Variants in FAF2 observed in about 807,000 individuals in gnomAD.
The protein encoded by FAF2 is FAS-associated factor 2.
FAF2 carries 9 observed loss-of-function variants against 62.3 expected under a neutral mutation model. The observed-to-expected ratio is 0.14, with a 90% confidence interval of 0.09 to 0.25. The LOEUF (loss-of-function observed/expected upper bound fraction) is 0.25, where lower values mean the gene tolerates loss of function less well. FAF2 is among the 10% of genes least tolerant of loss of function. The pLI is 1.00. For synonymous variants in FAF2, 202 were observed against 198.0 expected, an observed-to-expected ratio of 1.02 and a Z score of -0.17; for missense variants, 368 against 556.2, an observed-to-expected ratio of 0.66 and a Z score of 3.40.
intron 10 of FAF2, among the ~76,000 whole-genome samples, chr5:176,504,135 T>C (rs541207387): frequency 2.6e-5 from 4 of 151,190 alleles, no homozygotes; most frequent in Non-Finnish European, 5.9e-5. Context: ...AAGCCAAGTT[T>C]GTACAAGTGT....
chr5:176,500,562 T>G (rs1755575601), intron 10 of FAF2, among the ~76,000 whole-genome samples: 2 of 152,190 alleles, frequency 1.3e-5, no homozygotes, highest in South Asian at 4.1e-4. Context: ...TGAAGTGACA[T>G]ATCTGAATAT....
intron 3 of FAF2, among the ~76,000 whole-genome samples, chr5:176,488,427 T>A (rs182728458): frequency 6.6e-6 from 1 of 152,200 alleles, no homozygotes; most frequent in African/African-American, 2.4e-5. Flanking sequence ...TTTTATTTGT[T>A]TGTTTGTTTT....
At chr5:176,467,021 G>A (rs542172996) in intron 1 of FAF2, among the ~76,000 whole-genome samples, 1 of 152,266 alleles carries the variant, frequency 6.6e-6, no homozygotes, top group African/African-American at 2.4e-5. Context: ...TTATGGAAGG[G>A]GAGTCATCTC....
At chr5:176,481,265 C>T (rs1309944588) in intron 2 of FAF2, among the ~76,000 whole-genome samples, 2 of 152,090 alleles carry the variant, frequency 1.3e-5, no homozygotes, top group Admixed American at 6.6e-5. Flanking sequence ...CCAGGCTGGT[C>T]TTGATCTCCT....
intron 5 of FAF2, among the ~76,000 whole-genome samples, chr5:176,493,571 T>C (rs963787686): frequency 2.3e-4 from 35 of 152,270 alleles, no homozygotes; most frequent in African/African-American, 8.2e-4. Flanking sequence ...GGATCAGGGT[T>C]GTCTTCGCAG....
At chr5:176,479,354 T>G (rs568679416) in intron 2 of FAF2, 98 bp downstream of exon 2, 1 of 962,688 alleles carries the variant, frequency 1.0e-6, no homozygotes, top group African/African-American at 1.6e-5. Flanking sequence ...TTCAGTAGAT[T>G]TTTTTCAGAA....
rs1466445871 is a variant in FAF2, at chr5:176,510,064, C to CA, written c.*3119dup. On this transcript the variant is annotated 3_prime_UTR_variant, in exon 11 of 11. Coordinates refer to ENST00000261942, the MANE Select transcript of FAF2 (RefSeq NM_014613.3). ...TAGGTTAACATTAAATGTTTTATAG[C>CA]AAAAACTTCATAACAGGCTGTGGAT... 1 of 152,354 alleles carries CA rather than the reference C, an allele frequency of 6.6e-6. No individual in the cohort carries two copies. The highest frequency in any genetic ancestry group is 1.5e-5 in the Non-Finnish European group (1 of 68,018). The allele number at this position is 152,354 out of a possible 1,614,324, so 9.4% of individuals were successfully genotyped here.
At chr5:176,486,333 G>A in intron 2 of FAF2, 22 bp from the exon 3 acceptor site, 7 of 1,609,870 alleles carry the variant, frequency 4.3e-6, no homozygotes, top group Non-Finnish European at 5.9e-6. Context: ...TGAAACTCTT[G>A]CCACTCCGTT....
chr5:176,460,660 G>T (rs924904942), intron 1 of FAF2, among the ~76,000 whole-genome samples: 3 of 151,868 alleles, frequency 2.0e-5, no homozygotes, highest in Non-Finnish European at 2.9e-5. Flanking sequence ...TGTCTTTTGA[G>T]AAGTGTCTGA....
intron 8 of FAF2, among the ~76,000 whole-genome samples, chr5:176,498,527 A>G (rs1755537979): frequency 6.6e-6 from 1 of 152,214 alleles, no homozygotes; most frequent in South Asian, 2.1e-4. Context: ...GTGTATGGAT[A>G]TATATGTGTG....
At chr5:176,476,541 C>T (rs1400245498) in intron 1 of FAF2, among the ~76,000 whole-genome samples, 2 of 151,022 alleles carry the variant, frequency 1.3e-5, no homozygotes, top group African/African-American at 2.4e-5. Flanking sequence ...AAACAATAGG[C>T]ACATAAGAGA....
Position 176,471,501 on chromosome 5 carries a change from G to A in FAF2, c.64-7687G>A, listed in dbSNP as rs559032808. 6.0e-5 allele frequency among the ~76,000 whole-genome samples: 9 copies of A among 149,982 alleles called. No individual in the cohort carries two copies. The South Asian group carries it at 1.9e-3, about 32-fold the overall frequency. On this transcript the variant is annotated intron_variant, in intron 1 of 10. Transcript: ENST00000261942. ...GGGTTCAAGTGATTCTCCTGCCTCA[G>A]CCTCCTGAGTAGCTGGGATTACAGG... is the stretch of plus-strand genomic sequence containing the variant.
chr5:176,457,160 T>C (rs1758290593), intron 1 of FAF2, among the ~76,000 whole-genome samples: 1 of 152,124 alleles, frequency 6.6e-6, no homozygotes, highest in Non-Finnish European at 1.5e-5. Flanking sequence ...AAGTAGGTCT[T>C]TGAGATGGGT....
chr5:176,478,492 C>T (rs549731831), intron 1 of FAF2, among the ~76,000 whole-genome samples: 6 of 151,102 alleles, frequency 4.0e-5, no homozygotes, highest in Non-Finnish European at 8.8e-5. Context: ...AAAAAAGTGG[C>T]GGGGGGTAGG....
intron 1 of FAF2, among the ~76,000 whole-genome samples, chr5:176,451,653 C>A (rs1758171533): frequency 6.7e-6 from 1 of 148,160 alleles, no homozygotes. Flanking sequence ...AAATTTATAT[C>A]CACAACCATC....
intron 5 of FAF2, 113 bp from the exon 6 acceptor site, chr5:176,493,886 C>A (rs1297010747): frequency 1.4e-6 from 1 of 710,344 alleles, no homozygotes; most frequent in South Asian, 2.0e-5. Context: ...ACCTTTTTTC[C>A]TTATTTTTCC....
rs549558842 is a variant in FAF2 at position 176,494,384 on chromosome 5, C to T, written c.661+109C>T. The T allele has an allele frequency of 1.9e-4, 164 of 883,630 alleles. No homozygotes were observed. The African/African-American group carries it at 2.4e-3, about 13-fold the overall frequency. 54.7% of individuals were successfully genotyped at this position (883,630 alleles called of 1,614,324 possible). A position where few individuals can be genotyped will look rare whatever the true frequency, so the allele number is the denominator to read the frequency against. On this transcript the variant is annotated intron_variant, in intron 7 of 10. Transcript: ENST00000261942. The surrounding 1 kb of genome is among the most constrained non-coding windows in gnomAD (Gnocchi z 4.0). Reference sequence around the variant, plus strand: ...AAGTGTGTTTGTTCTGTGGTAGATACGACGCTAGTTGCTATTTTATATTGT... The same window carrying T: ...AAGTGTGTTTGTTCTGTGGTAGATATGACGCTAGTTGCTATTTTATATTGT...
In FAF2 at chr5:176,489,273, A is replaced by G. The variant is rs529147498; in HGVS notation, c.344+246A>G. 4.9e-5 allele frequency among the ~76,000 whole-genome samples: 7 copies of G among 143,906 alleles called. No homozygotes were observed. The South Asian group carries it at 6.8e-4, about 14-fold the overall frequency. 94.4% of individuals were successfully genotyped at this position (143,906 alleles called of 152,430 possible). A position where few individuals can be genotyped will look rare whatever the true frequency, so the allele number is the denominator to read the frequency against. On this transcript the variant is annotated intron_variant, in intron 4 of 10. Coordinates refer to ENST00000261942, the MANE Select transcript of FAF2 (RefSeq NM_014613.3). The stretch of plus-strand genomic sequence containing the variant: ...TTTGTTTGCAAAAACCAGTCTGACT[A>G]TATTTATTTGTCTCCCCCTCCCCCC...
Position 176,507,077 on chromosome 5 carries a change from AT to A in FAF2, c.*128del. On this transcript the variant is annotated 3_prime_UTR_variant, in exon 11 of 11. Transcript: ENST00000261942. ...ATATTATTATTATTATTATAATACA[AT>A]ATTTTTTTTAAAAGACTGCTGCATC... 1 of 538,788 alleles carries A rather than the reference AT, an allele frequency of 1.9e-6. No homozygotes were observed. The highest frequency in any genetic ancestry group is 2.6e-6 in the Non-Finnish European group (1 of 381,752). 33.4% of individuals were successfully genotyped at this position (538,788 alleles called of 1,614,324 possible).
Sources: allele counts gnomAD v4.1 joint callset (sites outside exome capture counted in the v4.1 genomes callset), GRCh38; gene constraint gnomAD v4.1.1; non-coding constraint Gnocchi (gnomAD v3.1); transcripts MANE v1.5; gene names NCBI Gene and HGNC (gene_info 2026-07-23, HGNC 2026-07-21).